The following GALNT17 variants were observed in gnomAD, a reference collection of about 807,000 sequenced individuals.
GALNT17 encodes polypeptide N-acetylgalactosaminyltransferase 17, also known as UDP-GalNAc:polypeptide N-acetylgalactosaminyltransferase-like 3.
Under a neutral mutation model 63.7 loss-of-function variants are expected in GALNT17, and 29 were observed. The ratio of observed to expected loss-of-function variants is 0.46; its 90% CI spans 0.34 to 0.62. The LOEUF (loss-of-function observed/expected upper bound fraction) is 0.62. Ranked by LOEUF, GALNT17 falls within the 20% of genes least tolerant of loss-of-function variation. The probability of loss-of-function intolerance (pLI) is 0.01; values close to 1 mark genes in which losing one functional copy is unlikely to be tolerated. For missense variants in GALNT17, 603 were observed against 799.6 expected (o/e 0.75, Z 2.97); for synonymous variants, 305 against 318.3 (o/e 0.96, Z 0.45).
intron 1 of GALNT17, among the ~76,000 whole-genome samples, chr7:71,137,639 A>G (rs562763015): frequency 2.2e-3 from 340 of 152,016 alleles, no homozygotes; most frequent in African/African-American, 7.8e-3. Context: ...GGCTGGGAGG[A>G]CTCAGCTAGA....
intron 1 of GALNT17, among the ~76,000 whole-genome samples, chr7:71,306,279 T>C (rs995254107): frequency 5.0e-5 from 4 of 80,374 alleles, no homozygotes; most frequent in Non-Finnish European, 1.2e-4. Context: ...ATTTACCATC[T>C]TAACAATTTA....
chr7:71,371,893 G>A (rs1440905733), intron 2 of GALNT17, among the ~76,000 whole-genome samples: 1 of 152,150 alleles, frequency 6.6e-6, no homozygotes. Context: ...TCTAAGAGCA[G>A]GTCTGCTTGT....
chr7:71,140,670 C>T (rs145630527), intron 1 of GALNT17, among the ~76,000 whole-genome samples: 5 of 152,166 alleles, frequency 3.3e-5, no homozygotes, highest in Admixed American at 2.0e-4. Flanking sequence ...TGAGCACACC[C>T]AAGCCCAAGG....
intron 9 of GALNT17, among the ~76,000 whole-genome samples, chr7:71,686,061 T>C (rs551600): frequency 0.91 from 136,737 of 150,374 alleles, 63,460 homozygotes; most frequent in Non-Finnish European, 1. Flanking sequence ...TTCAAGCGAT[T>C]CTCCTGCCTC....
chr7:71,190,345 T>C (rs1788929039), intron 1 of GALNT17, among the ~76,000 whole-genome samples: 1 of 152,150 alleles, frequency 6.6e-6, no homozygotes, highest in African/African-American at 2.4e-5. Flanking sequence ...TGATAGCAAG[T>C]GAGTTCTTGC....
chr7:71,143,221 A>T (rs1252900692), intron 1 of GALNT17, among the ~76,000 whole-genome samples: 2 of 151,978 alleles, frequency 1.3e-5, no homozygotes, highest in Non-Finnish European at 2.9e-5. Flanking sequence ...CAGGAGTTCA[A>T]GACCAGCCTG....
chr7:71,301,004 G>T (rs1293989529), intron 1 of GALNT17: 1 of 152,182 alleles, frequency 6.6e-6, no homozygotes, highest in East Asian at 1.9e-4. Flanking sequence ...AGTAATTATT[G>T]AGGTCAGGCA....
At chr7:71,500,653 T>G (rs1788165961) in intron 5 of GALNT17, among the ~76,000 whole-genome samples, 1 of 152,220 alleles carries the variant, frequency 6.6e-6, no homozygotes, top group Non-Finnish European at 1.5e-5. Flanking sequence ...CATCCTTTGC[T>G]GGCATCAGAA....
At chr7:71,677,614 A>G (rs1056262499) in intron 9 of GALNT17, among the ~76,000 whole-genome samples, 2 of 150,990 alleles carry the variant, frequency 1.3e-5, no homozygotes, top group African/African-American at 4.9e-5. Flanking sequence ...TCCCAGGCTC[A>G]TGTGATTCTC....
chr7:71,659,239 C>G (rs1367767294), intron 6 of GALNT17, among the ~76,000 whole-genome samples: 2 of 152,234 alleles, frequency 1.3e-5, no homozygotes, highest in Non-Finnish European at 2.9e-5. Flanking sequence ...TCTTTCAGCT[C>G]TTTGAATATC....
chr7:71,575,124 A>G (rs556118001), intron 6 of GALNT17, among the ~76,000 whole-genome samples: 2 of 152,300 alleles, frequency 1.3e-5, no homozygotes, highest in East Asian at 3.9e-4. Flanking sequence ...CACTTCTGAG[A>G]CAATACTACT....
chr7:71,704,549 G>A (rs561627365), intron 9 of GALNT17, among the ~76,000 whole-genome samples: 1 of 150,970 alleles, frequency 6.6e-6, no homozygotes, highest in South Asian at 2.1e-4. Context: ...AAATTCAAGG[G>A]ACACAAAATA....
chr7:71,162,428 C>A (rs1162184692), intron 1 of GALNT17, among the ~76,000 whole-genome samples: 5 of 148,308 alleles, frequency 3.4e-5, no homozygotes, highest in African/African-American at 1.3e-4. Context: ...ATCCATCCAT[C>A]CATCCATTCA....
chr7:71,520,337 A>G (rs1788510491), intron 5 of GALNT17, among the ~76,000 whole-genome samples: 1 of 152,170 alleles, frequency 6.6e-6, no homozygotes, highest in Admixed American at 6.5e-5. Context: ...TAGCCTGGCC[A>G]AGATAGTGAA....
At chr7:71,645,054 T>A (rs1584109797) in intron 6 of GALNT17, among the ~76,000 whole-genome samples, 1 of 152,168 alleles carries the variant, frequency 6.6e-6, no homozygotes, top group East Asian at 1.9e-4. Context: ...CATGGCAGGG[T>A]TGTGCTTTAC....
At chr7:71,185,522 CTTTTTT>C (rs747181057) in intron 1 of GALNT17, among the ~76,000 whole-genome samples, 2 of 124,640 alleles carry the variant, frequency 1.6e-5, no homozygotes, top group African/African-American at 3.1e-5. Context: ...CGTTTCTTTT[CTTTTTT>C]TTTTTTTTTT....
At chr7:71,219,902 G>A (rs1789552694) in intron 1 of GALNT17, among the ~76,000 whole-genome samples, 1 of 152,176 alleles carries the variant, frequency 6.6e-6, no homozygotes, top group African/African-American at 2.4e-5. Flanking sequence ...CTCACTGGTA[G>A]GTGCTCTGGC....
At position 71,605,869 on chromosome 7, in the gene GALNT17, T is replaced by G. The variant is rs115309913; in HGVS notation, c.1080+34467T>G. ...TAGCTAATAGCACAGTGAATGAGGC[T>G]TACCCATTTGATTGATTGATTGACT... On this transcript the variant is annotated intron_variant, in intron 6 of 10. Transcript: ENST00000333538. Among the ~76,000 whole-genome samples the G allele has an allele frequency of 6.5e-3, 987 of 152,214 alleles. 12 individuals carry two copies. Among genetic ancestry groups the G allele is most frequent in the African/African-American group, 0.022 (896 of 41,532 alleles).
chr7:71,685,518 T>C (rs1042411862), intron 9 of GALNT17: 4 of 152,142 alleles, frequency 2.6e-5, no homozygotes, highest in African/African-American at 9.7e-5. Flanking sequence ...TTTGAGAACT[T>C]GTTTGGGGGT....
Sources: allele counts gnomAD v4.1 joint callset (sites outside exome capture counted in the v4.1 genomes callset), GRCh38; gene constraint gnomAD v4.1.1; transcripts MANE v1.5; gene names NCBI Gene and HGNC (gene_info 2026-07-23, HGNC 2026-07-21).